The following RSRC1 variants were observed in gnomAD, a reference collection of about 807,000 sequenced individuals.
RSRC1 encodes the protein serine/Arginine-related protein 53.
Under a neutral mutation model 49.1 loss-of-function variants are expected in RSRC1, and 39 were observed. The ratio of observed to expected loss-of-function variants is 0.79; its 90% CI spans 0.61 to 1.04. The LOEUF (loss-of-function observed/expected upper bound fraction) is 1.04. Among genes scored for constraint, RSRC1 ranks in the 50% least tolerant of loss-of-function variants. The pLI is 0.00. For synonymous variants in RSRC1, 143 were observed against 130.8 expected, an observed-to-expected ratio of 1.09 and a Z score of -0.63; for missense variants, 388 against 402.4, an observed-to-expected ratio of 0.96 and a Z score of 0.31.
At chr3:158,165,926 G>T (rs1007247630) in intron 3 of RSRC1, among the ~76,000 whole-genome samples, 10 of 152,274 alleles carry the variant, frequency 6.6e-5, no homozygotes, top group African/African-American at 2.4e-4. Context: ...GCTGGTGAAA[G>T]TTTCTACTCA....
At chr3:158,236,209 A>G (rs1467075778) in intron 4 of RSRC1, among the ~76,000 whole-genome samples, 1 of 152,094 alleles carries the variant, frequency 6.6e-6, no homozygotes, top group African/African-American at 2.4e-5. Flanking sequence ...AAATTTGTTA[A>G]TATAATTAAT....
At chr3:158,527,760 A>G (rs1417368104) in intron 7 of RSRC1, among the ~76,000 whole-genome samples, 1 of 151,948 alleles carries the variant, frequency 6.6e-6, no homozygotes, top group Non-Finnish European at 1.5e-5. Context: ...CAAAGTTATT[A>G]TTTCTGTTTT....
At chr3:158,301,819 TATG>T (rs1056795042) in intron 5 of RSRC1, among the ~76,000 whole-genome samples, 33 of 152,136 alleles carry the variant, frequency 2.2e-4, no homozygotes, top group African/African-American at 7.5e-4. Context: ...TTTGGACATG[TATG>T]ATGTTAACAT....
At position 158,254,693 on chromosome 3, in the gene RSRC1, A is replaced by G. The variant is rs548882880; in HGVS notation, c.495-43346A>G. 6.6e-5 allele frequency among the ~76,000 whole-genome samples: 10 copies of G among 152,110 alleles called. No homozygotes were observed. The South Asian group carries it at 1.5e-3, about 22-fold the overall frequency. ...ATGATCCACCCACCTCGGCCTCTCA[A>G]AGTGCTGGGATTACAGGTGTGAGTG... is the stretch of plus-strand genomic sequence containing the variant. On this transcript the variant is annotated intron_variant, in intron 4 of 9. Coordinates refer to ENST00000611884, the MANE Select transcript of RSRC1 (RefSeq NM_001271838.2).
chr3:158,418,973 C>A (rs969199385), intron 6 of RSRC1, among the ~76,000 whole-genome samples: 1 of 151,958 alleles, frequency 6.6e-6, no homozygotes, highest in African/African-American at 2.4e-5. Flanking sequence ...AAGTTCTGAT[C>A]TCACCAACCA....
At chr3:158,389,932 C>T (rs1733175104) in intron 6 of RSRC1, among the ~76,000 whole-genome samples, 1 of 152,180 alleles carries the variant, frequency 6.6e-6, no homozygotes, top group Admixed American at 6.5e-5. Flanking sequence ...ACAATAACTG[C>T]ACCCATTGAG....
intron 4 of RSRC1, among the ~76,000 whole-genome samples, chr3:158,232,740 A>C (rs1243516587): frequency 1.3e-5 from 2 of 152,134 alleles, no homozygotes; most frequent in Non-Finnish European, 2.9e-5. Context: ...AGAGAATGGT[A>C]GTCACTGAAT....
Position 158,384,627 on chromosome 3 carries a change from GA to G in RSRC1, c.583+29720del, listed in dbSNP as rs558559317. ...TCTAGACCTGAAAAAGGAAAGGGAA[GA>G]GATCAGCTATAGAGCATTTTGAGAA... On this transcript the variant is annotated intron_variant, in intron 6 of 9. Transcript: ENST00000611884. 2.6e-5 allele frequency among the ~76,000 whole-genome samples: 4 copies of G among 152,276 alleles called. No homozygotes were observed. The South Asian group carries it at 6.2e-4, about 24-fold the overall frequency.
chr3:158,232,672 T>C (rs940389164), intron 4 of RSRC1, among the ~76,000 whole-genome samples: 2 of 152,086 alleles, frequency 1.3e-5, no homozygotes, highest in Non-Finnish European at 2.9e-5. Context: ...AATGAAGTCA[T>C]GTTTTAGCCT....
intron 7 of RSRC1, among the ~76,000 whole-genome samples, chr3:158,499,294 G>A (rs1301369408): frequency 5.3e-5 from 8 of 152,034 alleles, no homozygotes; most frequent in Non-Finnish European, 8.8e-5. Context: ...GGAGAATGGT[G>A]TGAACCCGGG....
At chr3:158,218,090 G>A (rs1325533953) in intron 4 of RSRC1, among the ~76,000 whole-genome samples, 1 of 151,596 alleles carries the variant, frequency 6.6e-6, no homozygotes, top group Non-Finnish European at 1.5e-5. Flanking sequence ...TCTGAGATGG[G>A]GCCGGAGAAA....
intron 7 of RSRC1, among the ~76,000 whole-genome samples, chr3:158,492,962 A>G (rs758992198): frequency 3.3e-5 from 5 of 152,190 alleles, no homozygotes; most frequent in Non-Finnish European, 7.3e-5. Flanking sequence ...TGATGCAGAG[A>G]AAGAAGCTCT....
intron 6 of RSRC1, among the ~76,000 whole-genome samples, chr3:158,364,851 T>TAC (rs1731673595): frequency 9.4e-6 from 1 of 105,876 alleles, no homozygotes; most frequent in East Asian, 2.6e-4. Flanking sequence ...AATAATAATA[T>TAC]GTACCTTGTA....
chr3:158,449,576 T>A (rs16828994), intron 6 of RSRC1, among the ~76,000 whole-genome samples: 10,941 of 151,934 alleles, frequency 0.072, 463 homozygotes, highest in South Asian at 0.13. Flanking sequence ...AAATTTGTGT[T>A]CTGTGCAATA....
intron 4 of RSRC1, among the ~76,000 whole-genome samples, chr3:158,294,262 A>G (rs1446506317): frequency 6.6e-6 from 1 of 152,066 alleles, no homozygotes; most frequent in Non-Finnish European, 1.5e-5. Context: ...TTTCCAGCTT[A>G]TTAATTCATC....
chr3:158,408,998 A>G (rs990621663), intron 6 of RSRC1, among the ~76,000 whole-genome samples: 1 of 152,000 alleles, frequency 6.6e-6, no homozygotes, highest in African/African-American at 2.4e-5. Flanking sequence ...ACGCTACTGC[A>G]CTCCAGCCTG....
intron 9 of RSRC1, among the ~76,000 whole-genome samples, chr3:158,543,896 G>A (rs952726100): frequency 1.3e-5 from 2 of 152,214 alleles, no homozygotes; most frequent in East Asian, 3.9e-4. Context: ...TCCATGAAAT[G>A]TTGTAATTCT....
chr3:158,236,763 A>G (rs974232760), intron 4 of RSRC1, among the ~76,000 whole-genome samples: 2 of 152,234 alleles, frequency 1.3e-5, no homozygotes, highest in Non-Finnish European at 2.9e-5. Context: ...TGGGAAAGAA[A>G]GAATTGCTAT....
chr3:158,184,169 G>A (rs1304921211), intron 3 of RSRC1, among the ~76,000 whole-genome samples: 3 of 151,836 alleles, frequency 2.0e-5, no homozygotes, highest in Non-Finnish European at 2.9e-5. Flanking sequence ...TAACTAAGAT[G>A]CTCTTATTCA....
Sources: allele counts gnomAD v4.1 joint callset (sites outside exome capture counted in the v4.1 genomes callset), GRCh38; gene constraint gnomAD v4.1.1; transcripts MANE v1.5; gene names NCBI Gene and HGNC (gene_info 2026-07-23, HGNC 2026-07-21).